ITPR2: variants seen among roughly 807,000 people sequenced by gnomAD.
The protein encoded by ITPR2 is inositol 1,4,5-trisphosphate receptor type 2.
A neutral mutation model predicts 317.1 loss-of-function variants in ITPR2; 207 were observed. That is an observed-to-expected ratio of 0.65 (90% confidence interval 0.58 to 0.73). The LOEUF is 0.73. Ranked by LOEUF, ITPR2 falls within the 30% of genes least tolerant of loss-of-function variation. The pLI, the probability that ITPR2 is intolerant of heterozygous loss-of-function variation, is 0.00. For missense variants in ITPR2, 2,613 were observed against 3,284.0 expected, an observed-to-expected ratio of 0.80 and a Z score of 4.99; for synonymous variants, 1,156 against 1,149.1, an observed-to-expected ratio of 1.01 and a Z score of -0.12.
chr12:26,675,560 G>A (rs565248874), intron 13 of ITPR2, among the ~76,000 whole-genome samples: 3 of 152,104 alleles, frequency 2.0e-5, no homozygotes, highest in Admixed American at 1.3e-4. Flanking sequence ...GTGGGGGAAG[G>A]GGGGAGGGAT....
intron 55 of ITPR2, among the ~76,000 whole-genome samples, chr12:26,352,183 T>C (rs1938504192): frequency 6.6e-6 from 1 of 152,238 alleles, no homozygotes; most frequent in Non-Finnish European, 1.5e-5. Context: ...CTCAGTCATA[T>C]GACCAAAGGG....
At chr12:26,547,360 T>C (rs1310646615) in intron 37 of ITPR2, among the ~76,000 whole-genome samples, 1 of 152,224 alleles carries the variant, frequency 6.6e-6, no homozygotes, top group Non-Finnish European at 1.5e-5. Flanking sequence ...GGGTATTATC[T>C]TTCCCCAGCC....
chr12:26,471,430 G>A (rs901162709), intron 45 of ITPR2, among the ~76,000 whole-genome samples: 19 of 152,150 alleles, frequency 1.2e-4, no homozygotes, highest in Admixed American at 6.5e-5. Context: ...TAAACACGCA[G>A]AAGATAGAAA....
At chr12:26,530,578 A>T (rs934415186) in intron 37 of ITPR2, among the ~76,000 whole-genome samples, 1 of 152,212 alleles carries the variant, frequency 6.6e-6, no homozygotes. Flanking sequence ...TAATATTTCT[A>T]TACATAAGCT....
chr12:26,449,951 G>A (rs571287496), intron 45 of ITPR2, among the ~76,000 whole-genome samples: 4 of 152,124 alleles, frequency 2.6e-5, no homozygotes, highest in South Asian at 2.1e-4. Flanking sequence ...GTTAAATGAG[G>A]TCACACTGGA....
Position 26,681,876 on chromosome 12 carries a change from C to T in ITPR2, c.1407G>A (p.Arg469=). ...TTAAGACCAATTTAAAGAGTTACCT[C>T]CTTTCATTCTGAGTTATTGTGCCGT... ...LENGTITQNE[R]RFVTKLLEDL... The change falls in exon 13 of 57, where the codon AGG becomes AGA. Residue 469 remains arginine (R), a splice_region_variant and synonymous_variant. Transcript: ENST00000381340. 1 of 1,464,208 alleles carries T rather than the reference C, an allele frequency of 6.8e-7. No homozygotes were observed. Among genetic ancestry groups the T allele is most frequent in the Non-Finnish European group, 9.3e-7 (1 of 1,069,638 alleles). The allele number at this position is 1,464,208 out of a possible 1,614,324, so 90.7% of individuals were successfully genotyped here.
intron 26 of ITPR2, among the ~76,000 whole-genome samples, chr12:26,617,658 CGG>C (rs1946399700): frequency 1.1e-4 from 12 of 106,138 alleles, no homozygotes; most frequent in East Asian, 8.8e-4. Flanking sequence ...AAAGGAGGGA[CGG>C]AGGGAGGGAA....
chr12:26,507,448 G>A (rs1017764524), intron 37 of ITPR2, among the ~76,000 whole-genome samples: 3 of 152,150 alleles, frequency 2.0e-5, no homozygotes, highest in Admixed American at 6.5e-5. Flanking sequence ...GGCATACACC[G>A]TGATAGATAT....
intron 45 of ITPR2, among the ~76,000 whole-genome samples, chr12:26,467,665 G>A (rs374481845): frequency 2.2e-4 from 34 of 152,158 alleles, no homozygotes; most frequent in African/African-American, 6.7e-4. Flanking sequence ...AAATAAATAC[G>A]TAACTAACAA....
chr12:26,509,442 T>C (rs539435243), intron 37 of ITPR2, among the ~76,000 whole-genome samples: 1 of 152,156 alleles, frequency 6.6e-6, no homozygotes, highest in Non-Finnish European at 1.5e-5. Flanking sequence ...ATCCATTAGA[T>C]TGGTTAAGGA....
chr12:26,394,819 G>A (rs984918760), intron 54 of ITPR2, among the ~76,000 whole-genome samples: 3 of 152,136 alleles, frequency 2.0e-5, no homozygotes, highest in Non-Finnish European at 4.4e-5. Flanking sequence ...GGAAGGATGT[G>A]GGTGAGATTG....
At chr12:26,706,223 ATTAATT>A (rs1325516263) in intron 9 of ITPR2, among the ~76,000 whole-genome samples, 1 of 152,188 alleles carries the variant, frequency 6.6e-6, no homozygotes, top group East Asian at 1.9e-4. Flanking sequence ...TTTTGATAAT[ATTAATT>A]TTAATTTAAT....
intron 36 of ITPR2, among the ~76,000 whole-genome samples, chr12:26,552,895 A>G (rs1367386839): frequency 1.3e-5 from 2 of 152,206 alleles, no homozygotes; most frequent in African/African-American, 4.8e-5. Context: ...AATATCAACC[A>G]TAAGGTTGAA....
chr12:26,667,267 C>T (rs1947650315), intron 13 of ITPR2, among the ~76,000 whole-genome samples: 1 of 152,186 alleles, frequency 6.6e-6, no homozygotes, highest in Non-Finnish European at 1.5e-5. Context: ...GATCCTATCT[C>T]CCGATTTATG....
At chr12:26,613,563 G>C (rs1054052965) in intron 26 of ITPR2, among the ~76,000 whole-genome samples, 2 of 148,706 alleles carry the variant, frequency 1.3e-5, no homozygotes, top group African/African-American at 5.0e-5. Context: ...ATCATACACA[G>C]ACACACACAC....
intron 13 of ITPR2, 80 bp from the exon 14 acceptor site, chr12:26,666,131 G>A (rs1592013821): frequency 3.2e-6 from 1 of 312,564 alleles, no homozygotes; most frequent in East Asian, 1.0e-4. Flanking sequence ...TAGGTAGGTA[G>A]GTAGAGATAG....
chr12:26,781,992 GTATATATATATATATA>G (rs1161714052), intron 2 of ITPR2, among the ~76,000 whole-genome samples: 7 of 56,968 alleles, frequency 1.2e-4, no homozygotes, highest in Admixed American at 4.7e-4. Context: ...AAACTCCCCT[GTATATATATATATATA>G]TATATATATA....
chr12:26,596,982 G>A lies in ITPR2; in HGVS notation c.4155C>T (p.Cys1385=), dbSNP rs200183720. The A allele has an allele frequency of 1.9e-5, 31 of 1,613,212 alleles. No individual in the cohort carries two copies. The highest frequency in any genetic ancestry group is 2.6e-5 in the Non-Finnish European group (31 of 1,179,678). The change falls in exon 31 of 57, where the codon TGC becomes TGT. Residue 1385 remains cysteine (C), a synonymous_variant. Coordinates refer to ENST00000381340, the MANE Select transcript of ITPR2 (RefSeq NM_002223.4). ...CAGTGTAGACATTTTTCCCCTCTGT[G>A]CATGCTGCCAGCAACTCCACCAGGG... ...HITLVELLAA[C]TEGKNVYTEI...
intron 41 of ITPR2, among the ~76,000 whole-genome samples, chr12:26,485,339 C>T (rs1396947941): frequency 1.3e-5 from 2 of 152,216 alleles, no homozygotes; most frequent in Admixed American, 6.5e-5. Flanking sequence ...ATCCCACACT[C>T]CTACCAGTAA....
Sources: gnomAD v4.1 joint callset for allele counts (sites outside exome capture counted in the v4.1 genomes callset) on GRCh38, gnomAD v4.1.1 for gene constraint, MANE v1.5 for transcripts, NCBI Gene and HGNC (gene_info 2026-07-23, HGNC 2026-07-21) for gene names.